Variants in SLC2A1 observed in about 807,000 individuals in gnomAD.
SLC2A1 encodes the protein solute carrier family 2 member 1, also known as solute carrier family 2, facilitated glucose transporter member 1.
SLC2A1 carries 4 observed loss-of-function variants against 46.6 expected under a neutral mutation model. The ratio of observed to expected loss-of-function variants is 0.09; its 90% confidence interval spans 0.04 to 0.20. SLC2A1 has a LOEUF of 0.20. Ranked by LOEUF, SLC2A1 falls within the 10% of genes least tolerant of loss-of-function variation. SLC2A1 has a pLI of 1.00. For synonymous variants in SLC2A1, 253 were observed against 270.0 expected, an observed-to-expected ratio of 0.94 and a Z score of 0.62; for missense variants, 352 against 667.0, an observed-to-expected ratio of 0.53 and a Z score of 5.20.
At chr1:42,935,134 T>A (rs1216881324) in intron 2 of SLC2A1, among the ~76,000 whole-genome samples, 3 of 152,186 alleles carry the variant, frequency 2.0e-5, no homozygotes, top group Non-Finnish European at 2.9e-5. Context: ...GGGACTGCCA[T>A]GGTGTCGGCC....
chr1:42,929,957 G>T lies in SLC2A1; in HGVS notation c.595C>A (p.Leu199Met). The T allele has an allele frequency of 1.9e-6, 3 of 1,614,202 alleles. No homozygotes were observed. Among genetic ancestry groups the T allele is most frequent in the Middle Eastern group, 1.6e-4 (1 of 6,062 alleles). ...CAGAAGGGCAGCACGATGCACTGCA[G>T]CAGGGCCGGGATGAAGATGATGCTC... ...LLSIIFIPAL[L>M]QCIVLPFCPE... Residue 199 changes from leucine (L) to methionine (M), a missense_variant, in exon 5 of 10, where the codon CTG becomes ATG. By Grantham distance (15) the Leu-to-Met change is conservative. Around this residue, in one of 5 missense-constraint regions of SLC2A1, gnomAD observed 167 missense variants for 280.8 expected, o/e 0.59. Coordinates refer to ENST00000426263, the MANE Select transcript of SLC2A1 (RefSeq NM_006516.4). The surrounding 1 kb of genome is among the most constrained non-coding windows in gnomAD (Gnocchi z 6.0).
chr1:42,953,689 C>T (rs1462391926), intron 1 of SLC2A1, among the ~76,000 whole-genome samples: 2 of 152,208 alleles, frequency 1.3e-5, no homozygotes, highest in African/African-American at 4.8e-5. Flanking sequence ...ATGGCTGTAC[C>T]CTTGGTACTT....
At chr1:42,943,610 G>A (rs551579238) in intron 1 of SLC2A1, among the ~76,000 whole-genome samples, 1 of 152,236 alleles carries the variant, frequency 6.6e-6, no homozygotes. Context: ...ATTCTTGGGG[G>A]TCTCATTTCC....
At chr1:42,947,094 C>T (rs1643664136) in intron 1 of SLC2A1, among the ~76,000 whole-genome samples, 1 of 152,248 alleles carries the variant, frequency 6.6e-6, no homozygotes, top group African/African-American at 2.4e-5. Flanking sequence ...GCAGCCTCAG[C>T]ACCATCTGCC....
chr1:42,954,727 G>A lies in SLC2A1; in HGVS notation c.18+3907C>T, dbSNP rs1643756120. Among the ~76,000 whole-genome samples, 1 of 152,112 alleles carries A rather than the reference G, an allele frequency of 6.6e-6. No individual in the cohort carries two copies. The highest frequency in any genetic ancestry group is 1.5e-5 in the Non-Finnish European group (1 of 68,014). On this transcript the variant is annotated intron_variant, in intron 1 of 9. Transcript: ENST00000426263. This position sits in a 1 kb window ranked among gnomAD's most constrained non-coding sequence, Gnocchi z 4.2. ...TGGAAAGGCTGGCAGCATGTCTTGG[G>A]GTGGGAGGCTCAGTGTGTGATCTTG... is the stretch of plus-strand genomic sequence containing the variant.
In SLC2A1 at chr1:42,943,280, C is replaced by A. The variant is rs1459936365; in HGVS notation, c.60G>T (p.Val20=). 1 of 1,614,036 alleles carries A rather than the reference C, an allele frequency of 6.2e-7. No homozygotes were observed. Among genetic ancestry groups the A allele is most frequent in the South Asian group, 1.1e-5 (1 of 91,052 alleles). The part of the protein sequence containing the change: ...GRLMLAVGGA[V]LGSLQFGYNT... ...TGTAGCCAAACTGCAGGGAGCCAAG[C>A]ACTGCTCCTCCCACGGCCAGCATGA... The change falls in exon 2 of 10, where the codon GTG becomes GTT. Residue 20 remains valine, a synonymous_variant. Transcript: ENST00000426263.
intron 1 of SLC2A1, among the ~76,000 whole-genome samples, chr1:42,951,232 A>C (rs1476887387): frequency 6.6e-6 from 1 of 152,170 alleles, no homozygotes; most frequent in Admixed American, 6.5e-5. Flanking sequence ...TGGGGCTGCT[A>C]TTTCTTAATC....
intron 2 of SLC2A1, among the ~76,000 whole-genome samples, chr1:42,941,819 A>G (rs1643601478): frequency 6.6e-6 from 1 of 152,240 alleles, no homozygotes; most frequent in Non-Finnish European, 1.5e-5. Flanking sequence ...AAGAGCTGTC[A>G]AGAGCACTTA....
intron 8 of SLC2A1, among the ~76,000 whole-genome samples, chr1:42,928,710 G>A (rs1466645871): frequency 6.6e-6 from 1 of 152,128 alleles, no homozygotes; most frequent in Admixed American, 6.5e-5. Context: ...TGGGACCAGA[G>A]GTGCTGCGCT....
chr1:42,942,892 A>C, intron 2 of SLC2A1: 5 of 364,976 alleles, frequency 1.4e-5, no homozygotes, highest in Non-Finnish European at 2.6e-5. Context: ...ATGCCACGGA[A>C]ATGCAGCATT....
At chr1:42,933,283 A>G (rs1570595492) in intron 2 of SLC2A1, among the ~76,000 whole-genome samples, 1 of 152,028 alleles carries the variant, frequency 6.6e-6, no homozygotes, top group African/African-American at 2.4e-5. Context: ...CAATCTCCCT[A>G]CCTACCACAC....
rs1019353537 is a variant in SLC2A1, at chr1:42,940,217, C to T, written c.114+3009G>A. Among the ~76,000 whole-genome samples, 12 of 152,248 alleles carry T rather than the reference C, an allele frequency of 7.9e-5. 1 individual carries two copies. Among genetic ancestry groups the T allele is most frequent in the Middle Eastern group, 3.2e-3 (1 of 316 alleles). On this transcript the variant is annotated intron_variant, in intron 2 of 9. Coordinates refer to ENST00000426263, the MANE Select transcript of SLC2A1 (RefSeq NM_006516.4). ...TGGAAGAGCCGTCTCCACCCTTTCT[C>T]ATCTGCCTCTCACTCTTCACCCAAT...
intron 1 of SLC2A1, among the ~76,000 whole-genome samples, chr1:42,951,075 T>C (rs1053634564): frequency 6.6e-6 from 1 of 152,222 alleles, no homozygotes; most frequent in African/African-American, 2.4e-5. Context: ...CCTGAATGCA[T>C]GCTCCCAACA....
At chr1:42,936,914 C>G (rs989971766) in intron 2 of SLC2A1, among the ~76,000 whole-genome samples, 1 of 152,128 alleles carries the variant, frequency 6.6e-6, no homozygotes, top group Non-Finnish European at 1.5e-5. Flanking sequence ...GGTTCTCAAA[C>G]AGAGACGGCT....
chr1:42,929,704 C>T lies in SLC2A1; in HGVS notation c.756G>A (p.Met252Ile). The T allele has an allele frequency of 6.2e-7, 1 of 1,613,974 alleles. No individual in the cohort carries two copies. Among genetic ancestry groups the T allele is most frequent in the Non-Finnish European group, 8.5e-7 (1 of 1,180,016 alleles). Residue 252 changes from methionine to isoleucine, a missense_variant, in exon 6 of 10, where the codon ATG becomes ATA. Coordinates refer to ENST00000426263, the MANE Select transcript of SLC2A1 (RefSeq NM_006516.4). This position sits in a 1 kb window ranked among gnomAD's most constrained non-coding sequence, Gnocchi z 6.0. Reference sequence around the variant, plus strand: ...CCAGGATGGTGACCTTCTTCTCCCGCATCATCTGCCGACTCTCTTCCTTCA... The same window carrying T: ...CCAGGATGGTGACCTTCTTCTCCCGTATCATCTGCCGACTCTCTTCCTTCA... Reference protein sequence around the residue: ...QEMKEESRQMMREKKVTILEL... With the variant: ...QEMKEESRQMIREKKVTILEL...
chr1:42,943,122 C>T, intron 2 of SLC2A1, 104 bp downstream of exon 2: 1 of 786,490 alleles, frequency 1.3e-6, no homozygotes, highest in Non-Finnish European at 2.2e-6. Context: ...ACAGTGCGTT[C>T]ATATAAATGA....
chr1:42,952,329 T>G, intron 1 of SLC2A1: 1 of 463,628 alleles, frequency 2.2e-6, no homozygotes, highest in Non-Finnish European at 4.3e-6. Flanking sequence ...GCTGATGACA[T>G]AGCTGGCTGC....
intron 1 of SLC2A1, chr1:42,952,296 G>A (rs1643729223): frequency 2.3e-6 from 1 of 432,846 alleles, no homozygotes; most frequent in African/African-American, 2.0e-5. Flanking sequence ...CGGGCTTCTA[G>A]GCAGCACTGT....
chr1:42,936,462 G>A (rs1643543615), intron 2 of SLC2A1, among the ~76,000 whole-genome samples: 1 of 152,152 alleles, frequency 6.6e-6, no homozygotes, highest in African/African-American at 2.4e-5. Context: ...GGAGATTGGA[G>A]CCAGATGTTC....
Sources: gnomAD v4.1 joint callset for allele counts (sites outside exome capture counted in the v4.1 genomes callset) on GRCh38, gnomAD v4.1.1 for gene constraint, gnomAD v4.1.1 regional missense constraint, Gnocchi (gnomAD v3.1) non-coding constraint, MANE v1.5 for transcripts, NCBI Gene and HGNC (gene_info 2026-07-23, HGNC 2026-07-21) for gene names.